Variants in VWC2 observed in about 807,000 individuals in gnomAD.
The protein encoded by VWC2 is von Willebrand factor C domain containing 2.
In VWC2, 14 loss-of-function variants were observed where a neutral mutation model predicts 29.8. The observed-to-expected ratio is 0.47, with a 90% confidence interval of 0.31 to 0.74. The LOEUF is 0.74. VWC2 is among the 30% of genes least tolerant of loss of function. The pLI is 0.05. For missense variants in VWC2, 457 were observed against 459.8 expected (o/e 0.99, Z 0.05); for synonymous variants, 213 against 199.0 (o/e 1.07, Z -0.59).
intron 3 of VWC2, among the ~76,000 whole-genome samples, chr7:49,892,031 ATTTTTTTTTTTTTTTTT>A (rs536880676): frequency 3.8e-5 from 2 of 53,202 alleles, no homozygotes; most frequent in Non-Finnish European, 6.7e-5. Flanking sequence ...GACAAAGTAG[ATTTTTTTTTTTTTTTTT>A]TTTTTTTTTT....
At chr7:49,869,445 G>T (rs1210362316) in intron 3 of VWC2, among the ~76,000 whole-genome samples, 1 of 152,186 alleles carries the variant, frequency 6.6e-6, no homozygotes, top group Non-Finnish European at 1.5e-5. Flanking sequence ...CTACACTAGG[G>T]TAGCAAATCG....
Position 49,775,642 on chromosome 7 carries a change from G to C in VWC2, c.207G>C (p.Glu69Asp). Reference sequence around the variant, plus strand: ...AGCTCGGGCGCCCGGCGAGGGACGAGGGCGGCAGCGGCCGGGACTGGAAGA... The same window carrying C: ...AGCTCGGGCGCCCGGCGAGGGACGACGGCGGCAGCGGCCGGGACTGGAAGA... ...VNELGRPARD[E>D]GGSGRDWKSK... Residue 69 changes from glutamate to aspartate, a missense_variant, in exon 2 of 4, where the codon GAG becomes GAC. By Grantham distance (45) the Glu-to-Asp change is conservative. This residue lies in a region of VWC2 where 272 missense variants were observed against 202.7 expected (regional missense o/e 1.34). Transcript: ENST00000340652. The C allele has an allele frequency of 6.5e-7, 1 of 1,529,292 alleles. No individual in the cohort carries two copies. The allele number at this position is 1,529,292 out of a possible 1,614,324, so 94.7% of individuals were successfully genotyped here.
chr7:49,776,636 T>G (rs1030565530), intron 2 of VWC2, among the ~76,000 whole-genome samples: 7 of 152,206 alleles, frequency 4.6e-5, no homozygotes, highest in South Asian at 2.1e-4. Flanking sequence ...AAGAAAATAT[T>G]TGCTCACTGG....
At chr7:49,776,984 T>C (rs1429031050) in intron 2 of VWC2, among the ~76,000 whole-genome samples, 2 of 152,364 alleles carry the variant, frequency 1.3e-5, no homozygotes, top group Non-Finnish European at 2.9e-5. Flanking sequence ...ATACTCTACT[T>C]GAACCAAAAG....
At chr7:49,777,794 G>A (rs1171119357) in intron 2 of VWC2, among the ~76,000 whole-genome samples, 1 of 152,088 alleles carries the variant, frequency 6.6e-6, no homozygotes, top group African/African-American at 2.4e-5. Flanking sequence ...AATGTGTCCA[G>A]GTAAAGGAAC....
intron 3 of VWC2, among the ~76,000 whole-genome samples, chr7:49,851,228 T>C (rs1437927494): frequency 6.6e-6 from 1 of 152,212 alleles, no homozygotes; most frequent in East Asian, 1.9e-4. Context: ...TTTCTTATAA[T>C]GACACTTGTC....
rs77213627 is a variant in VWC2 at position 49,908,270 on chromosome 7, C to T, written c.827-3764C>T. 2.0e-3 allele frequency among the ~76,000 whole-genome samples: 309 copies of T among 152,214 alleles called. 1 individual carries two copies. The highest frequency in any genetic ancestry group is 3.5e-3 in the Non-Finnish European group (239 of 68,022). ...GGAGGTTATAATGAGGCATGTCCAA[C>T]GCCTACATTTCATCATGACCTGAGA... On this transcript the variant is annotated intron_variant, in intron 3 of 3. Coordinates refer to ENST00000340652, the MANE Select transcript of VWC2 (RefSeq NM_198570.5).
At chr7:49,901,477 A>C (rs1792720188) in intron 3 of VWC2, among the ~76,000 whole-genome samples, 1 of 151,892 alleles carries the variant, frequency 6.6e-6, no homozygotes, top group African/African-American at 2.4e-5. Flanking sequence ...CCAAAAAGAA[A>C]TACTTAGGTA....
chr7:49,836,509 G>T (rs936373719), intron 3 of VWC2, among the ~76,000 whole-genome samples: 2 of 150,710 alleles, frequency 1.3e-5, no homozygotes, highest in Non-Finnish European at 3.0e-5. Flanking sequence ...GCATGTGGCA[G>T]TTGCCTGTAA....
At chr7:49,782,563 G>A (rs924355411) in intron 2 of VWC2, among the ~76,000 whole-genome samples, 3 of 151,860 alleles carry the variant, frequency 2.0e-5, no homozygotes, top group East Asian at 1.9e-4. Context: ...AAGATAATGG[G>A]GCCTGGTGTG....
chr7:49,840,113 A>G (rs1182579915), intron 3 of VWC2, among the ~76,000 whole-genome samples: 5 of 152,132 alleles, frequency 3.3e-5, no homozygotes, highest in Admixed American at 1.3e-4. Flanking sequence ...TTTGCACCTC[A>G]CTTTCCACCC....
Position 49,920,661 on chromosome 7 carries a change from T to G in VWC2, c.*8476T>G, listed in dbSNP as rs752338945. 3 of 152,224 alleles carry G rather than the reference T, an allele frequency of 2.0e-5. No homozygotes were observed. Among genetic ancestry groups the G allele is most frequent in the African/African-American group, 7.2e-5 (3 of 41,454 alleles). The allele number at this position is 152,224 out of a possible 1,614,324, so 9.4% of individuals were successfully genotyped here. ...CATAAAGTTCACAACTATTTGCACATAGCTATAAATATAGCATGAATAAAA... is the reference window on the plus strand; with the variant it reads ...CATAAAGTTCACAACTATTTGCACAGAGCTATAAATATAGCATGAATAAAA... On this transcript the variant is annotated 3_prime_UTR_variant, in exon 4 of 4. Transcript: ENST00000340652.
intron 2 of VWC2, among the ~76,000 whole-genome samples, chr7:49,787,827 A>T (rs904828298): frequency 1.3e-5 from 2 of 152,198 alleles, no homozygotes; most frequent in South Asian, 2.1e-4. Context: ...CTGGTAGCAG[A>T]GTTCATGTCT....
At chr7:49,818,686 T>C (rs780157444) in intron 3 of VWC2, among the ~76,000 whole-genome samples, 7 of 151,678 alleles carry the variant, frequency 4.6e-5, no homozygotes, top group Non-Finnish European at 1.0e-4. Flanking sequence ...ACTTTCCTCA[T>C]CTGGGAAAGG....
intron 3 of VWC2, among the ~76,000 whole-genome samples, chr7:49,892,169 C>G (rs1033995164): frequency 1.3e-5 from 2 of 149,908 alleles, no homozygotes; most frequent in African/African-American, 2.5e-5. Context: ...CTCAGCCTCC[C>G]GAGTAGCTGG....
At position 49,912,270 on chromosome 7, in the gene VWC2, AAAG is replaced by A; in HGVS notation, c.*90_*92del. 1 of 1,407,676 alleles carries A rather than the reference AAAG, an allele frequency of 7.1e-7. No homozygotes were observed. The highest frequency in any genetic ancestry group is 9.5e-7 in the Non-Finnish European group (1 of 1,047,856). 87.2% of individuals were successfully genotyped at this position (1,407,676 alleles called of 1,614,324 possible). A position where few individuals can be genotyped will look rare whatever the true frequency, so the allele number is the denominator to read the frequency against. On this transcript the variant is annotated 3_prime_UTR_variant, in exon 4 of 4. Transcript: ENST00000340652. ...TAGATGACTCTGGGAACTATCAGTCAAAGAAGACTTTTGATGAGGAATAATGGA... is the reference window on the plus strand; with the variant it reads ...TAGATGACTCTGGGAACTATCAGTCAAAGACTTTTGATGAGGAATAATGGA...
intron 3 of VWC2, among the ~76,000 whole-genome samples, chr7:49,829,726 G>A (rs926214551): frequency 2.0e-5 from 3 of 152,176 alleles, no homozygotes; most frequent in Admixed American, 1.3e-4. Flanking sequence ...GGCAAGCTGT[G>A]TTATGCCTTT....
At chr7:49,851,311 A>C (rs1266878638) in intron 3 of VWC2, among the ~76,000 whole-genome samples, 1 of 151,552 alleles carries the variant, frequency 6.6e-6, no homozygotes, top group Non-Finnish European at 1.5e-5. Flanking sequence ...ATTTGCAAAA[A>C]CCCTTTTCCA....
intron 3 of VWC2, among the ~76,000 whole-genome samples, chr7:49,889,060 T>C (rs1418048081): frequency 6.6e-6 from 1 of 152,248 alleles, no homozygotes; most frequent in Non-Finnish European, 1.5e-5. Flanking sequence ...TGCTGCTTTC[T>C]GAATTGGAGT....
Sources: allele counts gnomAD v4.1 joint callset (sites outside exome capture counted in the v4.1 genomes callset), GRCh38; gene constraint gnomAD v4.1.1; regional missense constraint gnomAD v4.1.1; transcripts MANE v1.5; gene names NCBI Gene and HGNC (gene_info 2026-07-23, HGNC 2026-07-21).